Variants in RICTOR observed in about 807,000 individuals in gnomAD.
The protein encoded by RICTOR is RPTOR independent companion of MTOR complex 2.
RICTOR carries 49 observed loss-of-function variants against 214.9 expected under a neutral mutation model. The ratio of observed to expected loss-of-function variants is 0.23; its 90% CI spans 0.18 to 0.29. The LOEUF (loss-of-function observed/expected upper bound fraction) is 0.29, where lower values mean the gene tolerates loss of function less well. RICTOR is among the 10% of genes least tolerant of loss of function. The pLI is 1.00. For missense variants in RICTOR, 1,625 were observed against 2,047.0 expected (o/e 0.79, Z 3.98); for synonymous variants, 717 against 711.3 (o/e 1.01, Z -0.13).
At chr5:38,944,664 TAG>T in intron 35 of RICTOR, 95 bp from the exon 36 acceptor site, 1 of 1,112,372 alleles carries the variant, frequency 9.0e-7, no homozygotes. Flanking sequence ...CCTAAAGACC[TAG>T]AGATCAATTA....
chr5:39,020,612 C>T (rs1755347738), intron 3 of RICTOR, among the ~76,000 whole-genome samples: 1 of 152,186 alleles, frequency 6.6e-6, no homozygotes, highest in Admixed American at 6.5e-5. Context: ...TTTATATTCA[C>T]TGGGAAACCA....
intron 7 of RICTOR, among the ~76,000 whole-genome samples, chr5:38,985,452 G>A (rs1752092138): frequency 6.6e-6 from 1 of 151,826 alleles, no homozygotes; most frequent in Admixed American, 6.6e-5. Context: ...TTTTCCTATT[G>A]GTTTGTATAT....
At chr5:39,026,348 AAAAAC>A (rs148758528) in intron 2 of RICTOR, among the ~76,000 whole-genome samples, 3 of 152,006 alleles carry the variant, frequency 2.0e-5, no homozygotes, top group South Asian at 4.2e-4. Flanking sequence ...ACCCTGTCTC[AAAAAC>A]AAAACAAAAC....
chr5:39,035,099 G>A (rs1561555601), intron 2 of RICTOR, among the ~76,000 whole-genome samples: 3 of 152,158 alleles, frequency 2.0e-5, no homozygotes, highest in Admixed American at 6.5e-5. Flanking sequence ...CACCTCACAC[G>A]GCCAGGTACC....
intron 3 of RICTOR, among the ~76,000 whole-genome samples, chr5:39,014,023 T>C (rs1754750541): frequency 6.6e-6 from 1 of 152,138 alleles, no homozygotes; most frequent in Non-Finnish European, 1.5e-5. Flanking sequence ...ACACTTACCA[T>C]TGTGTTAAAA....
In RICTOR at chr5:38,996,717, G is replaced by A. The variant is rs901752547; in HGVS notation, c.456+102C>T. On this transcript the variant is annotated intron_variant, in intron 6 of 37. Coordinates refer to ENST00000357387, the MANE Select transcript of RICTOR (RefSeq NM_152756.5). ...AATAAAAATGTTTAATAAAAGTTTAGTCTTTAATCTTAATAAAGATTTCAC... is the reference window on the plus strand; with the variant it reads ...AATAAAAATGTTTAATAAAAGTTTAATCTTTAATCTTAATAAAGATTTCAC... 4 of 652,770 alleles carry A rather than the reference G, an allele frequency of 6.1e-6. No individual in the cohort carries two copies. The South Asian group carries it at 8.7e-5, about 14-fold the overall frequency. 40.4% of individuals were successfully genotyped at this position (652,770 alleles called of 1,614,324 possible).
intron 7 of RICTOR, among the ~76,000 whole-genome samples, chr5:38,987,324 T>G (rs1371230022): frequency 6.6e-6 from 1 of 152,200 alleles, no homozygotes; most frequent in South Asian, 2.1e-4. Flanking sequence ...GTACCTCTGG[T>G]AGAATTTGGC....
chr5:38,955,553 T>C, intron 26 of RICTOR, 42 bp downstream of exon 26: 1 of 1,028,266 alleles, frequency 9.7e-7, no homozygotes, highest in Non-Finnish European at 1.5e-6. Context: ...TTAAAAATAA[T>C]TTATGATGAA....
At chr5:39,032,856 T>C (rs962076529) in intron 2 of RICTOR, among the ~76,000 whole-genome samples, 1 of 152,216 alleles carries the variant, frequency 6.6e-6, no homozygotes, top group African/African-American at 2.4e-5. Flanking sequence ...CCCTTTAACC[T>C]GGCATGCCGT....
At chr5:38,960,743 T>C (rs1477295178) in intron 19 of RICTOR, among the ~76,000 whole-genome samples, 3 of 13,720 alleles carry the variant, frequency 2.2e-4, no homozygotes, top group Non-Finnish European at 1.1e-3. Flanking sequence ...GTAGTTCCCA[T>C]AATCCCCACA....
chr5:38,954,189 A>C (rs548358133), intron 27 of RICTOR, among the ~76,000 whole-genome samples: 1 of 151,960 alleles, frequency 6.6e-6, no homozygotes, highest in African/African-American at 2.4e-5. Flanking sequence ...AAATATTCCT[A>C]TAACTTTATT....
chr5:38,987,351 C>T lies in RICTOR; in HGVS notation c.583+3598G>A, dbSNP rs147587230. On this transcript the variant is annotated intron_variant, in intron 7 of 37. Coordinates refer to ENST00000357387, the MANE Select transcript of RICTOR (RefSeq NM_152756.5). ...GAATTTGGCTGTGAATCCATCTGGT[C>T]CTGGGCTTTTTTTGGTTGGTAGACT... Among the ~76,000 whole-genome samples the T allele has an allele frequency of 1.6e-3, 236 of 152,186 alleles. 2 individuals carry two copies. The highest frequency in any genetic ancestry group is 5.5e-3 in the African/African-American group (227 of 41,514).
chr5:39,044,786 T>C (rs978256370), intron 2 of RICTOR, among the ~76,000 whole-genome samples: 2 of 152,188 alleles, frequency 1.3e-5, no homozygotes, highest in African/African-American at 4.8e-5. Context: ...AAGCCTGCTG[T>C]CTACCTTCAG....
At chr5:39,023,426 G>GCTTT (rs963252053) in intron 2 of RICTOR, among the ~76,000 whole-genome samples, 5 of 151,938 alleles carry the variant, frequency 3.3e-5, no homozygotes, top group Admixed American at 6.6e-5. Context: ...TTAAAGTAAT[G>GCTTT]AAACAAATGC....
intron 3 of RICTOR, among the ~76,000 whole-genome samples, chr5:39,020,257 G>A (rs1489503494): frequency 2.0e-5 from 3 of 152,078 alleles, no homozygotes; most frequent in Non-Finnish European, 4.4e-5. Context: ...GGCAGGGTTT[G>A]AGAGGACTAA....
intron 2 of RICTOR, among the ~76,000 whole-genome samples, chr5:39,047,865 T>G (rs1757600744): frequency 6.6e-6 from 1 of 152,172 alleles, no homozygotes; most frequent in South Asian, 2.1e-4. Flanking sequence ...TACAACTAAG[T>G]TATTGAAACT....
intron 11 of RICTOR, among the ~76,000 whole-genome samples, chr5:38,969,178 GC>G (rs1291609628): frequency 6.6e-6 from 1 of 151,694 alleles, no homozygotes; most frequent in Non-Finnish European, 1.5e-5. Context: ...CACCATGTTG[GC>G]CAGGCTGGTC....
chr5:39,010,952 A>G (rs575071712), intron 3 of RICTOR, among the ~76,000 whole-genome samples: 1 of 152,336 alleles, frequency 6.6e-6, no homozygotes, highest in Admixed American at 6.5e-5. Context: ...CCATTTTCTG[A>G]GGAGAAATTC....
intron 5 of RICTOR, among the ~76,000 whole-genome samples, chr5:38,998,926 G>A (rs893887006): frequency 4.2e-5 from 6 of 143,464 alleles, no homozygotes; most frequent in African/African-American, 7.7e-5. Context: ...TGAGGCAGGA[G>A]AATCACTTGA....
Sources: allele counts gnomAD v4.1 joint callset (sites outside exome capture counted in the v4.1 genomes callset), GRCh38; gene constraint gnomAD v4.1.1; transcripts MANE v1.5; gene names NCBI Gene and HGNC (gene_info 2026-07-23, HGNC 2026-07-21).